Variants in KDM3A observed in about 807,000 individuals in gnomAD.
The protein encoded by KDM3A is lysine-specific demethylase 3A.
KDM3A carries 60 observed loss-of-function variants against 158.0 expected under a neutral mutation model. The ratio of observed to expected loss-of-function variants is 0.38; its 90% CI spans 0.31 to 0.47. The LOEUF (loss-of-function observed/expected upper bound fraction) is 0.47, where lower values mean the gene tolerates loss of function less well. Among genes scored for constraint, KDM3A ranks in the 20% least tolerant of loss-of-function variants. KDM3A has a pLI of 0.99. For synonymous variants in KDM3A, 608 were observed against 549.3 expected (o/e 1.11, Z -1.49); for missense variants, 1,319 against 1,574.3 (o/e 0.84, Z 2.74).
rs562059452 is a variant in KDM3A, at chr2:86,472,724, C to T, written c.1725-2052C>T. ...TGTCTCACATGATGACTTTTGATAG[C>T]TGCCCACTGCCTAGCAAAGTCAAGG... is the stretch of plus-strand genomic sequence containing the variant. On this transcript the variant is annotated intron_variant, in intron 11 of 25. Coordinates refer to ENST00000312912, the MANE Select transcript of KDM3A (RefSeq NM_018433.6). 1.3e-3 allele frequency among the ~76,000 whole-genome samples: 193 copies of T among 152,254 alleles called. 2 individuals carry two copies. The highest frequency in any genetic ancestry group is 6.8e-3 in the Middle Eastern group (2 of 294).
chr2:86,466,602 T>A lies in KDM3A; in HGVS notation c.1238T>A (p.Leu413His). The A allele has an allele frequency of 6.2e-7, 1 of 1,613,940 alleles. No individual in the cohort carries two copies. The highest frequency in any genetic ancestry group is 8.5e-7 in the Non-Finnish European group (1 of 1,179,892). ...LESVPQALTG[L>H]PKECLPTKAS... ...TCTGTTCCACAAGCATTGACTGGCC[T>A]TCCTAAGGAGTGCTTACCTACAAAG... The change falls in exon 10 of 26, where the codon CTT becomes CAT. Residue 413 changes from leucine to histidine, a missense_variant. Around this residue, in one of 4 missense-constraint regions of KDM3A, gnomAD observed 652 missense variants for 627.2 expected, o/e 1.04. Transcript: ENST00000312912.
rs544143763 is a variant in KDM3A, at chr2:86,469,046, T to C, written c.1520-1158T>C. On this transcript the variant is annotated intron_variant, in intron 10 of 25. Transcript: ENST00000312912. ...AATTAAAATTACATCCTTGAACTAC[T>C]AATCTCTTTATTTTCTCTCCTTTCT... Among the ~76,000 whole-genome samples, 3 of 152,330 alleles carry C rather than the reference T, an allele frequency of 2.0e-5. No homozygotes were observed. The South Asian group carries it at 6.2e-4, about 32-fold the overall frequency.
chr2:86,484,303 G>T (rs893707651), intron 19 of KDM3A, 145 bp downstream of exon 19: 5 of 659,094 alleles, frequency 7.6e-6, no homozygotes, highest in African/African-American at 3.7e-5. Context: ...CCCCTTCCTT[G>T]TTACAATGTT....
chr2:86,472,567 AAATT>A (rs1438235252), intron 11 of KDM3A, among the ~76,000 whole-genome samples: 1 of 152,218 alleles, frequency 6.6e-6, no homozygotes, highest in East Asian at 1.9e-4. Context: ...CCATCTTAAA[AAATT>A]AAAAACTTTC....
chr2:86,455,390 C>T (rs1255481196), intron 5 of KDM3A, among the ~76,000 whole-genome samples: 2 of 150,658 alleles, frequency 1.3e-5, no homozygotes, highest in Non-Finnish European at 3.0e-5. Flanking sequence ...GTAGCTAGGA[C>T]TACAGGCACG....
At chr2:86,491,111 G>A in intron 24 of KDM3A, 30 bp from the exon 25 acceptor site, 1 of 1,613,544 alleles carries the variant, frequency 6.2e-7, no homozygotes. Context: ...TTTTGGGTTT[G>A]TTACTGATAT....
rs115094852 is a variant in KDM3A, at chr2:86,448,942, A to G, written c.187-865A>G. Among the ~76,000 whole-genome samples, 260 of 152,284 alleles carry G rather than the reference A, an allele frequency of 1.7e-3. 1 individual carries two copies. Among genetic ancestry groups the G allele is most frequent in the African/African-American group, 5.9e-3 (244 of 41,554 alleles). Reference sequence around the variant, plus strand: ...AGGTTAAGGAAGCTGGAGTGTTTCAATGCTTTTATATGACTTTGAGTTTTA... The same window carrying G: ...AGGTTAAGGAAGCTGGAGTGTTTCAGTGCTTTTATATGACTTTGAGTTTTA... On this transcript the variant is annotated intron_variant, in intron 2 of 25. Coordinates refer to ENST00000312912, the MANE Select transcript of KDM3A (RefSeq NM_018433.6).
Position 86,489,512 on chromosome 2 carries a change from T to TG in KDM3A, c.3434-7dup. The TG allele has an allele frequency of 6.2e-7, 1 of 1,611,670 alleles. No individual in the cohort carries two copies. The highest frequency in any genetic ancestry group is 2.2e-5 in the East Asian group (1 of 44,830). On this transcript the variant is annotated splice_region_variant and splice_polypyrimidine_tract_variant and intron_variant, in intron 22 of 25. Coordinates refer to ENST00000312912, the MANE Select transcript of KDM3A (RefSeq NM_018433.6). ...TGGTCTGATATCTGCTTTCTCTTCT[T>TG]GCTCTAGAAGTCCTTAAGACCATCC...
chr2:86,477,447 A>C (rs1673710663), intron 12 of KDM3A, among the ~76,000 whole-genome samples: 1 of 152,120 alleles, frequency 6.6e-6, no homozygotes, highest in Non-Finnish European at 1.5e-5. Flanking sequence ...GATCTGAGTA[A>C]ATTTTTCTTT....
At chr2:86,451,883 C>T (rs181218041) in intron 4 of KDM3A, among the ~76,000 whole-genome samples, 1 of 152,032 alleles carries the variant, frequency 6.6e-6, no homozygotes, top group South Asian at 2.1e-4. Flanking sequence ...AAAAGTAGAC[C>T]GTTGTTTATA....
intron 2 of KDM3A, chr2:86,442,483 C>G: frequency 4.9e-6 from 2 of 411,788 alleles, no homozygotes; most frequent in Non-Finnish European, 8.8e-6. Flanking sequence ...TCATTAATGC[C>G]GGTGCTGTGT....
chr2:86,485,607 T>G (rs1674141218), intron 20 of KDM3A, 122 bp from the exon 21 acceptor site: 5 of 1,119,680 alleles, frequency 4.5e-6, no homozygotes, highest in Non-Finnish European at 6.5e-6. Flanking sequence ...ATTTGATGGC[T>G]GTCAGTCTGC....
intron 1 of KDM3A, among the ~76,000 whole-genome samples, chr2:86,441,692 G>C (rs1682714851): frequency 6.6e-6 from 1 of 151,004 alleles, no homozygotes; most frequent in Non-Finnish European, 1.5e-5. Flanking sequence ...TGCACCAGGG[G>C]CCTTTTCTTT....
intron 4 of KDM3A, among the ~76,000 whole-genome samples, chr2:86,452,347 G>T (rs1395286611): frequency 6.6e-6 from 1 of 152,028 alleles, no homozygotes; most frequent in Non-Finnish European, 1.5e-5. Context: ...CAAGGTTAGT[G>T]CATAAGCAGT....
Position 86,456,523 on chromosome 2 carries a change from A to G in KDM3A, c.638A>G (p.Asn213Ser), listed in dbSNP as rs149956438. ...CAGTGGTTTTCAGCAACCGTTATAA[A>G]TGGAAACCCAGCATCAAAAACTCTT... ...STQWFSATVINGNPASKTLQV... is the reference protein window; with the variant it reads ...STQWFSATVISGNPASKTLQV... The change falls in exon 6 of 26, where the codon AAT becomes AGT. Residue 213 changes from asparagine to serine, a missense_variant. This residue lies in a region of KDM3A where 652 missense variants were observed against 627.2 expected (regional missense o/e 1.04). Coordinates refer to ENST00000312912, the MANE Select transcript of KDM3A (RefSeq NM_018433.6). The G allele has an allele frequency of 2.5e-6, 4 of 1,609,418 alleles. No homozygotes were observed. The African/African-American group carries it at 5.4e-5, about 22-fold the overall frequency.
chr2:86,473,213 C>G (rs1021331370), intron 11 of KDM3A, among the ~76,000 whole-genome samples: 1 of 152,206 alleles, frequency 6.6e-6, no homozygotes, highest in African/African-American at 2.4e-5. Context: ...GGCTGGAGTG[C>G]ATTGGCACGA....
intron 21 of KDM3A, chr2:86,488,764 G>A (rs1293191523): frequency 6.5e-6 from 1 of 153,496 alleles, no homozygotes; most frequent in Non-Finnish European, 1.4e-5. Flanking sequence ...TGTTGAGCAA[G>A]GTGAGCTTTC....
intron 4 of KDM3A, among the ~76,000 whole-genome samples, chr2:86,452,611 A>G (rs1373911127): frequency 6.6e-6 from 1 of 152,192 alleles, no homozygotes; most frequent in Non-Finnish European, 1.5e-5. Context: ...GATATCATTT[A>G]TAAAGCTGAA....
intron 11 of KDM3A, among the ~76,000 whole-genome samples, chr2:86,471,896 C>G (rs1347781109): frequency 6.6e-6 from 1 of 152,124 alleles, no homozygotes; most frequent in Non-Finnish European, 1.5e-5. Context: ...GAGGGTAACT[C>G]TGTTTCCCTT....
Sources: allele counts gnomAD v4.1 joint callset (sites outside exome capture counted in the v4.1 genomes callset), GRCh38; gene constraint gnomAD v4.1.1; regional missense constraint gnomAD v4.1.1; transcripts MANE v1.5; gene names NCBI Gene and HGNC (gene_info 2026-07-23, HGNC 2026-07-21).